The following ATRX variants were observed in gnomAD, a reference collection of about 807,000 sequenced individuals.
ATRX encodes the protein ATRX chromatin remodeler.
In ATRX, 12 loss-of-function variants were observed where a neutral mutation model predicts 172.6. The ratio of observed to expected loss-of-function variants is 0.07; its 90% CI spans 0.04 to 0.11. The LOEUF is 0.11. Among genes scored for constraint, ATRX ranks in the 10% least tolerant of loss-of-function variants. The probability of loss-of-function intolerance (pLI) is 1.00; values close to 1 mark genes in which losing one functional copy is unlikely to be tolerated. For synonymous variants in ATRX, 674 were observed against 594.7 expected (o/e 1.13, Z -1.94); for missense variants, 1,368 against 1,767.4 (o/e 0.77, Z 4.05).
At chrX:77,518,132 C>A (rs1174058213) in intron 34 of ATRX, among the ~76,000 whole-genome samples, 1 of 111,939 alleles carries the variant, frequency 8.9e-6, no homozygotes, top group Admixed American at 9.5e-5. Context: ...CCAGCTTTTA[C>A]CACTGTTATT....
chrX:77,531,077 A>G (rs1454694411), intron 30 of ATRX, among the ~76,000 whole-genome samples: 1 of 111,918 alleles, frequency 8.9e-6, no homozygotes, highest in Non-Finnish European at 1.9e-5. Context: ...TCCAAGACTG[A>G]ACCAGGAAAA....
Position 77,555,211 on chromosome X carries a change from C to T in ATRX, c.6699+2240G>A, listed in dbSNP as rs186539270. On this transcript the variant is annotated intron_variant, in intron 30 of 34. Transcript: ENST00000373344. ...GATCATTAAATAAGTCAGGAAACAA[C>T]AGATGCTGGTGAGGATGTGGAGAAA... 1.4e-3 allele frequency among the ~76,000 whole-genome samples: 157 copies of T among 111,590 alleles called. 1 individual carries two copies. Among genetic ancestry groups the T allele is most frequent in the African/African-American group, 4.9e-3 (150 of 30,719 alleles).
intron 8 of ATRX, 95 bp downstream of exon 8, chrX:77,684,844 G>T: frequency 1.2e-6 from 1 of 850,380 alleles, no homozygotes; most frequent in Non-Finnish European, 1.8e-6. Context: ...AGACATCAAT[G>T]ACGATACTAT....
At chrX:77,754,480 T>C (rs1201816425) in intron 1 of ATRX, among the ~76,000 whole-genome samples, 9 of 112,071 alleles carry the variant, frequency 8.0e-5, no homozygotes, top group African/African-American at 2.9e-4. Context: ...CTAGTACCAG[T>C]TTTTCCTTTC....
chrX:77,704,986 G>C (rs2072736643), intron 2 of ATRX, among the ~76,000 whole-genome samples: 1 of 111,026 alleles, frequency 9.0e-6, no homozygotes, highest in South Asian at 3.8e-4. Context: ...CCACAATTTG[G>C]GCAGCTATAG....
At position 77,616,725 on chromosome X, in the gene ATRX, T is replaced by C; in HGVS notation, c.5454A>G (p.Lys1818=). ...AGAATTTTGTTAATGCTGTATAATC[T>C]TTCCTCTGTAATTAACAAGAAAGAG... is the stretch of plus-strand genomic sequence containing the variant. ...YEMLAGCVQR[K]DYTALTKFLP... is the part of the protein sequence containing the mutation. The change falls in exon 22 of 35, where the codon AAA becomes AAG. Residue 1818 remains lysine (K), a synonymous_variant. Coordinates refer to ENST00000373344, the MANE Select transcript of ATRX (RefSeq NM_000489.6). The C allele has an allele frequency of 5.2e-6, 6 of 1,145,334 alleles. No individual in the cohort carries two copies. The highest frequency in any genetic ancestry group is 7.2e-6 in the Non-Finnish European group (6 of 835,942). 94.4% of individuals were successfully genotyped at this position (1,145,334 alleles called of 1,213,427 possible).
At chrX:77,582,825 A>C (rs2148055049) in intron 27 of ATRX, among the ~76,000 whole-genome samples, 1 of 112,070 alleles carries the variant, frequency 8.9e-6, no homozygotes, top group East Asian at 2.8e-4. Context: ...CAGACCAATA[A>C]AAAGTAATGA....
chrX:77,528,388 C>G (rs1285316991), intron 30 of ATRX, among the ~76,000 whole-genome samples: 5 of 111,282 alleles, frequency 4.5e-5, no homozygotes, highest in Non-Finnish European at 9.4e-5. Flanking sequence ...CACACCTGCT[C>G]TACCAAGAAG....
intron 1 of ATRX, among the ~76,000 whole-genome samples, chrX:77,735,509 G>A (rs1159959713): frequency 9.2e-6 from 1 of 108,899 alleles, no homozygotes; most frequent in African/African-American, 3.3e-5. Flanking sequence ...GGAGAATGGC[G>A]TGAACCCGGG....
chrX:77,599,695 G>A, intron 24 of ATRX, 37 bp downstream of exon 24: 1 of 1,188,473 alleles, frequency 8.4e-7, no homozygotes, highest in Non-Finnish European at 1.1e-6. Flanking sequence ...TTTTAACTTT[G>A]TCAATACAGG....
chrX:77,726,649 T>C (rs184486908), intron 1 of ATRX, among the ~76,000 whole-genome samples: 6 of 111,567 alleles, frequency 5.4e-5, no homozygotes, highest in African/African-American at 1.6e-4. Flanking sequence ...TAGAGAAAAG[T>C]GGGTTCAGCC....
intron 1 of ATRX, among the ~76,000 whole-genome samples, chrX:77,773,867 AAAATATATAATCAAAGG>A (rs2076252724): frequency 8.9e-6 from 1 of 111,940 alleles, no homozygotes; most frequent in African/African-American, 3.2e-5. Context: ...TGTTCCTACC[AAAATATATAATCAAAGG>A]GAAACATCAG....
chrX:77,780,721 G>A (rs1317085612), intron 1 of ATRX, among the ~76,000 whole-genome samples: 1 of 109,255 alleles, frequency 9.2e-6, no homozygotes, highest in Non-Finnish European at 1.9e-5. Context: ...CAGGAGGATC[G>A]CTTAAGTCCA....
rs111364515 is a variant in ATRX at position 77,628,383 on chromosome X, C to T, written c.5134+4824G>A. Among the ~76,000 whole-genome samples the T allele has an allele frequency of 2.1e-3, 238 of 112,339 alleles. 2 individuals carry two copies. The highest frequency in any genetic ancestry group is 7.1e-3 in the African/African-American group (221 of 30,953). On this transcript the variant is annotated intron_variant, in intron 19 of 34. Transcript: ENST00000373344. ...TTAAGTAGAAAAATATGCCTCAAAA[C>T]AAATGGTAAGTTAGGGAAGAAAGGT... is the stretch of plus-strand genomic sequence containing the variant.
chrX:77,536,840 TACAC>T (rs1183275586), intron 30 of ATRX, among the ~76,000 whole-genome samples: 4 of 110,518 alleles, frequency 3.6e-5, no homozygotes, highest in South Asian at 3.8e-4. Context: ...TATATATACT[TACAC>T]ACACACACAC....
intron 15 of ATRX, among the ~76,000 whole-genome samples, chrX:77,651,574 G>A (rs1270989888): frequency 8.9e-6 from 1 of 111,844 alleles, no homozygotes; most frequent in Non-Finnish European, 1.9e-5. Flanking sequence ...TCCTGTGGTT[G>A]AGGCTGGGCA....
chrX:77,752,501 T>A (rs1557188025), intron 1 of ATRX, among the ~76,000 whole-genome samples: 3 of 112,218 alleles, frequency 2.7e-5, no homozygotes, highest in African/African-American at 9.7e-5. Context: ...CTTCCAACAC[T>A]ATGTTGAATA....
At chrX:77,600,700 C>A in intron 22 of ATRX, 136 bp from the exon 23 acceptor site, 1 of 602,474 alleles carries the variant, frequency 1.7e-6, no homozygotes, top group Non-Finnish European at 2.6e-6. Context: ...CTTGGAATAT[C>A]GTTTTGAAAC....
At chrX:77,559,300 C>CAGAT (rs1162536377) in intron 28 of ATRX, among the ~76,000 whole-genome samples, 3 of 106,540 alleles carry the variant, frequency 2.8e-5, no homozygotes, top group Non-Finnish European at 5.8e-5. Context: ...AGGCGTTAGA[C>CAGAT]AGATGCAAGG....
Sources: allele counts gnomAD v4.1 joint callset (sites outside exome capture counted in the v4.1 genomes callset), GRCh38; gene constraint gnomAD v4.1.1; transcripts MANE v1.5; gene names NCBI Gene and HGNC (gene_info 2026-07-23, HGNC 2026-07-21).